PRKCA: variants seen among roughly 807,000 people sequenced by gnomAD.
The protein encoded by PRKCA is protein kinase C alpha.
In PRKCA, 27 loss-of-function variants were observed where a neutral mutation model predicts 87.0. The observed-to-expected ratio is 0.31, with a 90% CI of 0.23 to 0.43. PRKCA has a LOEUF of 0.43. Among genes scored for constraint, PRKCA ranks in the 20% least tolerant of loss-of-function variants. The pLI is 1.00. For missense variants in PRKCA, 518 were observed against 852.3 expected (o/e 0.61, Z 4.88); for synonymous variants, 329 against 311.1 (o/e 1.06, Z -0.61).
At chr17:66,493,565 C>G (rs1916338072) in intron 2 of PRKCA, among the ~76,000 whole-genome samples, 1 of 152,026 alleles carries the variant, frequency 6.6e-6, no homozygotes, top group African/African-American at 2.4e-5. Context: ...TCTGTCCTCC[C>G]TGCCTCCCTT....
intron 3 of PRKCA, among the ~76,000 whole-genome samples, chr17:66,518,881 T>A (rs1178859911): frequency 6.6e-6 from 1 of 152,196 alleles, no homozygotes; most frequent in Non-Finnish European, 1.5e-5. Context: ...GTTAATACCG[T>A]GTAAGGGACT....
chr17:66,485,505 A>C (rs1915957390), intron 2 of PRKCA, among the ~76,000 whole-genome samples: 1 of 152,192 alleles, frequency 6.6e-6, no homozygotes, highest in Non-Finnish European at 1.5e-5. Context: ...ATTACGTGAG[A>C]ATCGAAGCCT....
At position 66,564,016 on chromosome 17, in the gene PRKCA, C is replaced by T. The variant is rs8065959; in HGVS notation, c.288+67733C>T. On this transcript the variant is annotated intron_variant, in intron 3 of 16. Transcript: ENST00000413366. ...CTTCCTTCCTTCCTCCTTTCTTTCT[C>T]TCTCTCTTTCTTTCTTCCTCTCTTC... 4.6e-3 allele frequency among the ~76,000 whole-genome samples: 618 copies of T among 135,450 alleles called. 6 individuals are homozygous for T. The highest frequency in any genetic ancestry group is 0.022 in the Middle Eastern group (6 of 268). 88.9% of individuals were successfully genotyped at this position (135,450 alleles called of 152,430 possible).
At chr17:66,686,641 T>C (rs1007045734) in intron 5 of PRKCA, among the ~76,000 whole-genome samples, 2 of 152,152 alleles carry the variant, frequency 1.3e-5, no homozygotes, top group African/African-American at 4.8e-5. Flanking sequence ...CATTGGCCTT[T>C]ACCCACAAAA....
At position 66,804,147 on chromosome 17, in the gene PRKCA, T is replaced by C. The variant is rs892851930; in HGVS notation, c.*110T>C. On this transcript the variant is annotated 3_prime_UTR_variant, in exon 17 of 17. Coordinates refer to ENST00000413366, the MANE Select transcript of PRKCA (RefSeq NM_002737.3). ...CCACGGCCTTGTGTCTGATTCCATATGGAGGCCTGAAAATTGTAGGGTTAT... is the reference window on the plus strand; with the variant it reads ...CCACGGCCTTGTGTCTGATTCCATACGGAGGCCTGAAAATTGTAGGGTTAT... The C allele has an allele frequency of 6.3e-6, 9 of 1,425,942 alleles. No homozygotes were observed. Among genetic ancestry groups the C allele is most frequent in the Non-Finnish European group, 9.3e-7 (1 of 1,071,070 alleles). The allele number at this position is 1,425,942 out of a possible 1,614,324, so 88.3% of individuals were successfully genotyped here.
rs144140177 is a variant in PRKCA, at chr17:66,542,402, G to C, written c.288+46119G>C. ...GCCATGTGTGCTGTGAGAAAACCCA[G>C]AGCATAGAAGTCGCACATGAGAGTA... On this transcript the variant is annotated intron_variant, in intron 3 of 16. Coordinates refer to ENST00000413366, the MANE Select transcript of PRKCA (RefSeq NM_002737.3). Among the ~76,000 whole-genome samples the C allele has an allele frequency of 3.9e-3, 590 of 152,244 alleles. 3 individuals carry two copies. Among genetic ancestry groups the C allele is most frequent in the African/African-American group, 0.014 (565 of 41,532 alleles).
intron 2 of PRKCA, among the ~76,000 whole-genome samples, chr17:66,450,624 T>C (rs1320984429): frequency 6.6e-6 from 1 of 152,194 alleles, no homozygotes; most frequent in Non-Finnish European, 1.5e-5. Flanking sequence ...ACTTTTTCTC[T>C]TGTGGATTAG....
intron 2 of PRKCA, among the ~76,000 whole-genome samples, chr17:66,314,408 A>T (rs1344407895): frequency 1.3e-5 from 2 of 152,180 alleles, no homozygotes; most frequent in African/African-American, 4.8e-5. Context: ...CTCTTTATTA[A>T]ATTATACAAA....
intron 16 of PRKCA, among the ~76,000 whole-genome samples, chr17:66,793,206 TTGAGGACCGTCAGCTCAG>T (rs1055057570): frequency 3.1e-4 from 47 of 152,206 alleles, no homozygotes; most frequent in African/African-American, 7.9e-4. Flanking sequence ...GGTCAGCTCA[TTGAGGACCGTCAGCTCAG>T]TGAGGACCGT....
chr17:66,777,402 G>A (rs532139016), intron 14 of PRKCA: 1 of 984,340 alleles, frequency 1.0e-6, no homozygotes, highest in Admixed American at 6.1e-5. Flanking sequence ...TCAAAAGAGT[G>A]GTTTATTATT....
At chr17:66,336,104 GT>G (rs981588477) in intron 2 of PRKCA, among the ~76,000 whole-genome samples, 3 of 151,718 alleles carry the variant, frequency 2.0e-5, no homozygotes, top group South Asian at 4.2e-4. Context: ...GATGACTTCT[GT>G]TTTTTTTCCA....
intron 2 of PRKCA, among the ~76,000 whole-genome samples, chr17:66,494,410 G>T (rs562919951): frequency 6.6e-6 from 1 of 152,320 alleles, no homozygotes; most frequent in Non-Finnish European, 1.5e-5. Flanking sequence ...CATGCTCCCA[G>T]GGGGAGGAAG....
At chr17:66,443,226 C>T (rs187476948) in intron 2 of PRKCA, among the ~76,000 whole-genome samples, 23 of 152,296 alleles carry the variant, frequency 1.5e-4, no homozygotes, top group Admixed American at 3.9e-4. Context: ...TGAATTGTTT[C>T]TATGCCTGTC....
chr17:66,515,117 A>T (rs1966922718), intron 3 of PRKCA, among the ~76,000 whole-genome samples: 1 of 152,016 alleles, frequency 6.6e-6, no homozygotes, highest in South Asian at 2.1e-4. Flanking sequence ...TTAGCTGGGC[A>T]TGGTGGCCTG....
At chr17:66,695,190 C>T (rs1839968244) in intron 8 of PRKCA, among the ~76,000 whole-genome samples, 1 of 152,192 alleles carries the variant, frequency 6.6e-6, no homozygotes, top group African/African-American at 2.4e-5. Context: ...GACCTTCTTC[C>T]CCAATCCTGC....
At chr17:66,413,270 T>A (rs920568168) in intron 2 of PRKCA, among the ~76,000 whole-genome samples, 7 of 152,096 alleles carry the variant, frequency 4.6e-5, no homozygotes, top group African/African-American at 1.7e-4. Flanking sequence ...TGATTTATTA[T>A]AAAGGATATT....
At chr17:66,578,869 G>T (rs914769845) in intron 3 of PRKCA, among the ~76,000 whole-genome samples, 7 of 152,168 alleles carry the variant, frequency 4.6e-5, no homozygotes, top group Non-Finnish European at 8.8e-5. Flanking sequence ...TCCCCATGCC[G>T]ACACTCATCT....
In PRKCA at chr17:66,514,263, C is replaced by T. The variant is rs147230198; in HGVS notation, c.288+17980C>T. 2.2e-3 allele frequency among the ~76,000 whole-genome samples: 334 copies of T among 152,202 alleles called. 1 individual carries two copies. The highest frequency in any genetic ancestry group is 7.1e-3 in the African/African-American group (293 of 41,510). ...GATGTAGGCCCTACAGATAAAAGGG[C>T]GACTGTACTTGTACCTTTCTCTAGT... On this transcript the variant is annotated intron_variant, in intron 3 of 16. Coordinates refer to ENST00000413366, the MANE Select transcript of PRKCA (RefSeq NM_002737.3).
At chr17:66,762,062 G>A (rs898379558) in intron 13 of PRKCA, among the ~76,000 whole-genome samples, 1 of 152,138 alleles carries the variant, frequency 6.6e-6, no homozygotes, top group Non-Finnish European at 1.5e-5. Flanking sequence ...ATTCACTTCT[G>A]TAACTGATTC....
Sources: allele counts gnomAD v4.1 joint callset (sites outside exome capture counted in the v4.1 genomes callset), GRCh38; gene constraint gnomAD v4.1.1; transcripts MANE v1.5; gene names NCBI Gene and HGNC (gene_info 2026-07-23, HGNC 2026-07-21).